NMD3: variants seen among roughly 807,000 people sequenced by gnomAD.
NMD3 encodes NMD3 ribosome export adaptor.
Under a neutral mutation model 73.1 loss-of-function variants are expected in NMD3, and 47 were observed. That is an observed-to-expected ratio of 0.64 (90% CI 0.51 to 0.82). NMD3 has a LOEUF of 0.82. Among genes scored for constraint, NMD3 ranks in the 40% least tolerant of loss-of-function variants. The pLI is 0.00. For missense variants in NMD3, 554 were observed against 612.5 expected (o/e 0.90, Z 1.01); for synonymous variants, 210 against 194.5 (o/e 1.08, Z -0.66).
intron 13 of NMD3, among the ~76,000 whole-genome samples, chr3:161,248,989 AT>A (rs1180902590): frequency 1.3e-5 from 2 of 152,340 alleles, no homozygotes; most frequent in South Asian, 4.1e-4. Flanking sequence ...AATATTTTGT[AT>A]TTTGTAAAAT....
chr3:161,225,395 T>G (rs964208483), intron 3 of NMD3, among the ~76,000 whole-genome samples: 1 of 152,190 alleles, frequency 6.6e-6, no homozygotes, highest in African/African-American at 2.4e-5. Context: ...TTATGAGGTT[T>G]TTTTTTCTTT....
chr3:161,229,958 G>A (rs768406337), intron 4 of NMD3, among the ~76,000 whole-genome samples: 3 of 151,814 alleles, frequency 2.0e-5, no homozygotes, highest in Non-Finnish European at 2.9e-5. Context: ...CTGTTTAGTG[G>A]TGGTGGTAAA....
chr3:161,233,113 CTT>C lies in NMD3; in HGVS notation c.277-272_277-271del, dbSNP rs71628446. ...TAATTTCCTTTTAAAGGACAATGTA[CTT>C]TTTTTTTTTTTTTAAGGGAAAAGAA... is the stretch of plus-strand genomic sequence containing the variant. On this transcript the variant is annotated intron_variant, in intron 4 of 15. Transcript: ENST00000351193. Among the ~76,000 whole-genome samples the C allele has an allele frequency of 3.7e-3, 538 of 146,154 alleles. 1 individual carries two copies. Among genetic ancestry groups the C allele is most frequent in the Admixed American group, 6.7e-3 (99 of 14,742 alleles).
In NMD3 at chr3:161,225,075, G is replaced by A. The variant is rs1259747994; in HGVS notation, c.179+11G>A. The A allele has an allele frequency of 1.9e-6, 3 of 1,600,780 alleles. No individual in the cohort carries two copies. Among genetic ancestry groups the A allele is most frequent in the Non-Finnish European group, 2.6e-6 (3 of 1,175,606 alleles). On this transcript the variant is annotated intron_variant, in intron 3 of 15. Transcript: ENST00000351193. The stretch of plus-strand genomic sequence containing the variant: ...CAAACAATGTCAAAGGTACAGTGCG[G>A]TACAATTTTGCTCTTTTTAAAGTTG...
rs1322075237 is a variant in NMD3 at position 161,246,362 on chromosome 3, G to C, written c.1044G>C (p.Gln348His). The change falls in exon 12 of 16, where the codon CAG becomes CAC. Residue 348 changes from glutamine to histidine, a missense_variant. By Grantham distance (24) the Gln-to-His change is conservative. Transcript: ENST00000351193. Reference protein sequence around the residue: ...KKHTLGEVWVQKTSEMNTDKQ... With the variant: ...KKHTLGEVWVHKTSEMNTDKQ... ...ATACCCTCGGGGAAGTCTGGGTACA[G>C]AAGACATCTGAAATGAATACAGATA... The C allele has an allele frequency of 1.4e-5, 21 of 1,489,108 alleles. No homozygotes were observed. The highest frequency in any genetic ancestry group is 1.8e-5 in the Non-Finnish European group (20 of 1,093,046). 92.2% of individuals were successfully genotyped at this position (1,489,108 alleles called of 1,614,324 possible). A position where few individuals can be genotyped will look rare whatever the true frequency, so the allele number is the denominator to read the frequency against.
At chr3:161,224,885 A>G in intron 2 of NMD3, 45 bp from the exon 3 acceptor site, 1 of 1,537,380 alleles carries the variant, frequency 6.5e-7, no homozygotes, top group Non-Finnish European at 8.8e-7. Flanking sequence ...AATTTAGTGT[A>G]TTTTAAAAAT....
intron 12 of NMD3, among the ~76,000 whole-genome samples, chr3:161,246,867 G>T (rs961145860): frequency 3.3e-5 from 5 of 151,948 alleles, no homozygotes; most frequent in African/African-American, 1.2e-4. Flanking sequence ...CAGTGAGTGT[G>T]TGATTAAACC....
chr3:161,233,698 A>G (rs1213026787), intron 5 of NMD3, among the ~76,000 whole-genome samples: 3 of 152,202 alleles, frequency 2.0e-5, no homozygotes, highest in Non-Finnish European at 2.9e-5. Context: ...AGTTATTTTT[A>G]TTAGGAAAGG....
rs577979358 is a variant in NMD3 at position 161,241,244 on chromosome 3, C to A, written c.871+81C>A. The A allele has an allele frequency of 8.2e-4, 710 of 861,068 alleles. 16 individuals carry two copies. In the South Asian group the frequency reaches 9.8e-3, roughly 12 times the overall value. The allele number at this position is 861,068 out of a possible 1,614,324, so 53.3% of individuals were successfully genotyped here. A position where few individuals can be genotyped will look rare whatever the true frequency, so the allele number is the denominator to read the frequency against. On this transcript the variant is annotated intron_variant, in intron 10 of 15. Transcript: ENST00000351193. Reference sequence around the variant, plus strand: ...TAATTTGTGTTGTTAATTTTTCAAGCATTCTTGCTAATATTGTTTTGAAAG... The same window carrying A: ...TAATTTGTGTTGTTAATTTTTCAAGAATTCTTGCTAATATTGTTTTGAAAG...
At chr3:161,233,309 T>C (rs1736611366) in intron 4 of NMD3, 90 bp from the exon 5 acceptor site, 7 of 801,730 alleles carry the variant, frequency 8.7e-6, no homozygotes, top group Non-Finnish European at 1.2e-5. Context: ...AAGCATCTTA[T>C]GAAATCTGCT....
chr3:161,250,829 A>G lies in NMD3; in HGVS notation c.1431A>G (p.Arg477=). Residue 477 remains arginine, a synonymous_variant, in exon 16 of 16, where the codon CGA becomes CGG. Transcript: ENST00000351193. ...ACACCGATGATGAAGGAGCACCTCG[A>G]ATTAGTCTGGCTGAGATGCTTGAAG... ...ESDTDDEGAP[R]ISLAEMLEDL... The G allele has an allele frequency of 6.2e-7, 1 of 1,612,144 alleles. No homozygotes were observed. Among genetic ancestry groups the G allele is most frequent in the Non-Finnish European group, 8.5e-7 (1 of 1,178,326 alleles).
At chr3:161,221,956 C>CCA (rs1409641566) in intron 1 of NMD3, 38 bp from the exon 2 acceptor site, 1 of 1,029,752 alleles carries the variant, frequency 9.7e-7, no homozygotes, top group African/African-American at 2.5e-5. Flanking sequence ...TCCCAACATT[C>CCA]TCTTTTTTTT....
chr3:161,235,406 T>C (rs1032369021), intron 7 of NMD3, 194 bp downstream of exon 7: 2 of 346,292 alleles, frequency 5.8e-6, no homozygotes, highest in African/African-American at 4.2e-5. Flanking sequence ...CATTTGGCTG[T>C]TGAGTACTTG....
chr3:161,228,598 G>A (rs1404531963), intron 4 of NMD3, among the ~76,000 whole-genome samples: 7 of 151,176 alleles, frequency 4.6e-5, no homozygotes, highest in Admixed American at 4.6e-4. Context: ...TCAGTTTTTT[G>A]TGTGTCTTGG....
intron 11 of NMD3, among the ~76,000 whole-genome samples, chr3:161,243,059 T>G (rs1373819214): frequency 6.6e-6 from 1 of 152,144 alleles, no homozygotes; most frequent in African/African-American, 2.4e-5. Context: ...ATGAAAATGT[T>G]GTTACCATAC....
intron 3 of NMD3, 111 bp from the exon 4 acceptor site, chr3:161,227,136 T>G (rs1659518153): frequency 1.6e-6 from 1 of 640,938 alleles, no homozygotes; most frequent in Admixed American, 3.1e-5. Context: ...CATATCATCC[T>G]TGGGTTTTAT....
chr3:161,222,114 G>A, intron 2 of NMD3, 57 bp downstream of exon 2: 2 of 1,415,794 alleles, frequency 1.4e-6, no homozygotes, highest in Non-Finnish European at 2.0e-6. Flanking sequence ...GTGAGCCCGG[G>A]AAACTCACTA....
rs1560061555 is a variant in NMD3, at chr3:161,221,972, TTTTTTTTTTTTTTTTTA to T, written c.-20-21_-20-5del. Reference sequence around the variant, plus strand: ...CCCAACATTCTCTTTTTTTTTTTTTTTTTTTTTTTTTTTTTTAAAAGAACTTAAGGCATACAGAACGA... The same window carrying T: ...CCCAACATTCTCTTTTTTTTTTTTTTAAAGAACTTAAGGCATACAGAACGA... On this transcript the variant is annotated splice_region_variant and splice_polypyrimidine_tract_variant and intron_variant, in intron 1 of 15. Coordinates refer to ENST00000351193, the MANE Select transcript of NMD3 (RefSeq NM_015938.5). The T allele has an allele frequency of 5.5e-6, 3 of 545,078 alleles. No homozygotes were observed. Among genetic ancestry groups the T allele is most frequent in the Non-Finnish European group, 7.1e-6 (3 of 423,972 alleles). 33.8% of individuals were successfully genotyped at this position (545,078 alleles called of 1,614,324 possible). A position where few individuals can be genotyped will look rare whatever the true frequency, so the allele number is the denominator to read the frequency against.
At chr3:161,226,802 A>G (rs1256063706) in intron 3 of NMD3, among the ~76,000 whole-genome samples, 7 of 152,206 alleles carry the variant, frequency 4.6e-5, no homozygotes, top group African/African-American at 7.2e-5. Flanking sequence ...ATGTAGATGA[A>G]TAGACTGAAC....
Sources: gnomAD v4.1 joint callset for allele counts (sites outside exome capture counted in the v4.1 genomes callset) on GRCh38, gnomAD v4.1.1 for gene constraint, MANE v1.5 for transcripts, NCBI Gene and HGNC (gene_info 2026-07-23, HGNC 2026-07-21) for gene names.